The following CAST variants were observed in gnomAD, a reference collection of about 807,000 sequenced individuals.
CAST encodes calpastatin, also known as MIR583 host.
A neutral mutation model predicts 119.6 loss-of-function variants in CAST; 76 were observed. That is an observed-to-expected ratio of 0.64 (90% CI 0.53 to 0.77). CAST has a LOEUF of 0.77. Ranked by LOEUF, CAST falls within the 30% of genes least tolerant of loss-of-function variation. The probability of loss-of-function intolerance (pLI) is 0.00; values close to 1 mark genes in which losing one functional copy is unlikely to be tolerated. For missense variants in CAST, 953 were observed against 946.5 expected (o/e 1.01, Z -0.09); for synonymous variants, 319 against 331.6 (o/e 0.96, Z 0.41).
At chr5:96,332,516 T>A in the CAST span, among the ~76,000 whole-genome samples, 5 of 152,210 alleles carry the variant, frequency 3.3e-5, no homozygotes, top group East Asian at 9.6e-4. Context: ...ATAAAAATGG[T>A]TGTGTACGTC....
chr5:96,384,769 C>T, the CAST span, among the ~76,000 whole-genome samples: 4 of 152,206 alleles, frequency 2.6e-5, no homozygotes, highest in East Asian at 3.9e-4. Context: ...GAACACTGGT[C>T]CCTGAATATG....
At chr5:96,565,986 A>G (rs1746461124) in intron 1 of CAST, among the ~76,000 whole-genome samples, 1 of 152,182 alleles carries the variant, frequency 6.6e-6, no homozygotes. Context: ...CTAACTGAAA[A>G]TAGAGGCGGA....
chr5:96,051,068 T>A, the CAST span, among the ~76,000 whole-genome samples: 3 of 152,018 alleles, frequency 2.0e-5, no homozygotes, highest in Non-Finnish European at 4.4e-5. Flanking sequence ...TTAAAAAAAA[T>A]CATTGCAAGA....
At chr5:96,039,772 G>T in the CAST span, among the ~76,000 whole-genome samples, 1 of 152,180 alleles carries the variant, frequency 6.6e-6, no homozygotes, top group Non-Finnish European at 1.5e-5. Context: ...TTTGGTTACT[G>T]TAGTCTTGTA....
chr5:96,557,382 G>A (rs972369107), intron 1 of CAST, among the ~76,000 whole-genome samples: 1 of 151,890 alleles, frequency 6.6e-6, no homozygotes, highest in Non-Finnish European at 1.5e-5. Flanking sequence ...ATGTAAATGG[G>A]CTAAATGCTC....
At chr5:96,142,298 G>C in the CAST span, among the ~76,000 whole-genome samples, 1 of 152,084 alleles carries the variant, frequency 6.6e-6, no homozygotes, top group Non-Finnish European at 1.5e-5. Flanking sequence ...TGTAATCCCA[G>C]CTACTCGGGA....
At chr5:96,494,900 G>A in the CAST span, among the ~76,000 whole-genome samples, 3 of 152,042 alleles carry the variant, frequency 2.0e-5, no homozygotes, top group East Asian at 5.8e-4. Context: ...GGCGGATCAC[G>A]AGGTCAGGAG....
the CAST span, among the ~76,000 whole-genome samples, chr5:96,361,536 C>T: frequency 6.6e-6 from 1 of 152,208 alleles, no homozygotes; most frequent in South Asian, 2.1e-4. Flanking sequence ...GGCTGGAATG[C>T]ACTGTTCCTC....
chr5:96,540,681 A>G (rs1561410918), intron 1 of CAST, among the ~76,000 whole-genome samples: 1 of 152,200 alleles, frequency 6.6e-6, no homozygotes, highest in Non-Finnish European at 1.5e-5. Flanking sequence ...CATCCTTGAT[A>G]CTACATAACT....
At chr5:96,757,524 C>A (rs1414321593) in intron 23 of CAST, 30 bp downstream of exon 23, 1 of 1,612,810 alleles carries the variant, frequency 6.2e-7, no homozygotes, top group Non-Finnish European at 8.5e-7. Context: ...CTGAGGATAT[C>A]TTTTCCTTTT....
the CAST span, among the ~76,000 whole-genome samples, chr5:96,184,132 C>T: frequency 1.2e-3 from 183 of 152,304 alleles, no homozygotes; most frequent in Middle Eastern, 6.8e-3. Flanking sequence ...ACAGCCCAGA[C>T]AATGATGCTC....
At chr5:96,027,964 A>T in the CAST span, among the ~76,000 whole-genome samples, 1 of 151,400 alleles carries the variant, frequency 6.6e-6, no homozygotes, top group Non-Finnish European at 1.5e-5. Flanking sequence ...CTGGATGATG[A>T]TCTTGAAAAT....
chr5:96,151,984 G>A, the CAST span, among the ~76,000 whole-genome samples: 2 of 152,250 alleles, frequency 1.3e-5, no homozygotes, highest in South Asian at 2.1e-4. Flanking sequence ...TATGACACTA[G>A]TTCCCTTTTG....
the CAST span, among the ~76,000 whole-genome samples, chr5:96,476,352 C>A: frequency 6.6e-6 from 1 of 152,098 alleles, no homozygotes; most frequent in African/African-American, 2.4e-5. Context: ...TGCTTGTTTG[C>A]ATGACTTTAT....
At chr5:96,398,577 G>A in the CAST span, among the ~76,000 whole-genome samples, 19 of 152,126 alleles carry the variant, frequency 1.2e-4, no homozygotes, top group African/African-American at 4.3e-4. Flanking sequence ...TGCTATCTAA[G>A]AGAAAAGTGA....
At chr5:96,527,865 A>G (rs2150176548), upstream of CAST, among the ~76,000 whole-genome samples, 1 of 152,280 alleles carries the variant, frequency 6.6e-6, no homozygotes, top group African/African-American at 2.4e-5. Flanking sequence ...AGGCATTTTG[A>G]GCCAAGAGTG....
At chr5:96,658,864 A>C (rs1748201314), upstream of CAST, among the ~76,000 whole-genome samples, 1 of 152,216 alleles carries the variant, frequency 6.6e-6, no homozygotes, top group South Asian at 2.1e-4. Context: ...ATTTAAACAT[A>C]GTTGTGTGGA....
At chr5:96,611,009 G>C (rs1747351031) in intron 1 of CAST, among the ~76,000 whole-genome samples, 1 of 152,108 alleles carries the variant, frequency 6.6e-6, no homozygotes, top group Admixed American at 6.6e-5. Flanking sequence ...ACAAAACAGT[G>C]ACGGAAGAAA....
At chr5:96,539,967 G>T in intron 1 of CAST, among the ~76,000 whole-genome samples, 1 of 151,472 alleles carries the variant, frequency 6.6e-6, no homozygotes, top group African/African-American at 2.4e-5. Context: ...TTCTTCTTTG[G>T]TGGCTTATTG....
Sources: allele counts gnomAD v4.1 joint callset (sites outside exome capture counted in the v4.1 genomes callset), GRCh38; gene constraint gnomAD v4.1.1; transcripts MANE v1.5; gene names NCBI Gene and HGNC (gene_info 2026-07-23, HGNC 2026-07-21).